The following CYP3A43 variants were observed in gnomAD, a reference collection of about 807,000 sequenced individuals.
CYP3A43 encodes the protein cytochrome P450 3A43.
Under a neutral mutation model 58.0 loss-of-function variants are expected in CYP3A43, and 45 were observed. The ratio of observed to expected loss-of-function variants is 0.78; its 90% confidence interval spans 0.61 to 0.99. The LOEUF (loss-of-function observed/expected upper bound fraction) is 0.99. Among genes scored for constraint, CYP3A43 ranks in the 50% least tolerant of loss-of-function variants. CYP3A43 has a pLI of 0.00. For missense variants in CYP3A43, 593 were observed against 591.9 expected (o/e 1.00, Z -0.02); for synonymous variants, 191 against 201.4 (o/e 0.95, Z 0.44).
intron 1 of CYP3A43, among the ~76,000 whole-genome samples, chr7:99,835,804 C>T (rs796261114): frequency 1.3e-5 from 2 of 152,162 alleles, no homozygotes; most frequent in Non-Finnish European, 2.9e-5. Flanking sequence ...ACAACATTAG[C>T]GTATGTAATA....
chr7:99,855,145 G>A (rs1488238243), intron 7 of CYP3A43, among the ~76,000 whole-genome samples: 4 of 152,072 alleles, frequency 2.6e-5, no homozygotes, highest in African/African-American at 9.7e-5. Flanking sequence ...CTCCCTAAGT[G>A]CAATTCTCTT....
rs949015047 is a variant in CYP3A43, at chr7:99,856,894, A to G, written c.860A>G (p.His287Arg). 3.7e-6 allele frequency: 6 copies of G among 1,613,938 alleles called. No individual in the cohort carries two copies. The highest frequency in any genetic ancestry group is 1.1e-5 in the South Asian group (1 of 90,998). ...DSQNSKETKS[H>R]KALSDLELVA... is the part of the protein sequence containing the mutation. ...CAGAATTCCAAAGAAACAAAGTCCC[A>G]TAAAGGTAACCAAGAACTGCATCTG... Residue 287 changes from histidine to arginine, a missense_variant, in exon 9 of 13, where the codon CAT (histidine) becomes CGT (arginine). By Grantham distance (29) the His-to-Arg change is conservative (BLOSUM62 0). Coordinates refer to ENST00000354829, the MANE Select transcript of CYP3A43 (RefSeq NM_057095.3).
chr7:99,855,262 A>G (rs1441205191), intron 7 of CYP3A43, among the ~76,000 whole-genome samples: 2 of 152,202 alleles, frequency 1.3e-5, no homozygotes, highest in Non-Finnish European at 2.9e-5. Flanking sequence ...TTAAAGCAGC[A>G]GGCTATCCAA....
chr7:99,851,510 C>T (rs769318916), intron 7 of CYP3A43, among the ~76,000 whole-genome samples: 6 of 152,194 alleles, frequency 3.9e-5, no homozygotes, highest in Non-Finnish European at 8.8e-5. Context: ...GAACTGGTCT[C>T]ATCGTGATTT....
intron 2 of CYP3A43, chr7:99,838,779 A>G: frequency 1.3e-6 from 1 of 749,104 alleles, no homozygotes; most frequent in Non-Finnish European, 1.9e-6. Flanking sequence ...CAGGAGTTCG[A>G]GACCAGCTTT....
At chr7:99,861,992 A>G (rs887664084) in intron 11 of CYP3A43, among the ~76,000 whole-genome samples, 153 bp downstream of exon 11, 1 of 152,240 alleles carries the variant, frequency 6.6e-6, no homozygotes, top group Non-Finnish European at 1.5e-5. Context: ...TTTACAAACC[A>G]TAGATTAAGA....
intron 1 of CYP3A43, among the ~76,000 whole-genome samples, chr7:99,829,368 T>C (rs1441453034): frequency 6.6e-6 from 1 of 152,226 alleles, no homozygotes. Flanking sequence ...TAAGAACATG[T>C]ACCCAAGGTG....
chr7:99,844,539 A>C (rs1383634432), intron 4 of CYP3A43, among the ~76,000 whole-genome samples: 1 of 152,204 alleles, frequency 6.6e-6, no homozygotes, highest in East Asian at 1.9e-4. Flanking sequence ...GTATAATTGC[A>C]TGACTATCAG....
intron 10 of CYP3A43, 73 bp from the exon 11 acceptor site, chr7:99,861,540 A>G (rs537111914): frequency 7.6e-5 from 100 of 1,309,120 alleles, no homozygotes; most frequent in Middle Eastern, 7.3e-4. Context: ...TAACACTTCA[A>G]TAGTACTGCA....
intron 3 of CYP3A43, among the ~76,000 whole-genome samples, chr7:99,841,593 TC>T (rs539472906): frequency 4.3e-4 from 66 of 152,124 alleles, no homozygotes; most frequent in Non-Finnish European, 7.1e-4. Flanking sequence ...AGACAGGGTT[TC>T]CCCATGTTTG....
Position 99,844,213 on chromosome 7 carries a change from G to GA in CYP3A43, c.291dup (p.Cys98MetfsTer25). On this transcript the variant is annotated frameshift_variant, in exon 4 of 13. Coordinates refer to ENST00000354829, the MANE Select transcript of CYP3A43 (RefSeq NM_057095.3). LOFTEE classifies it high-confidence loss of function. ...CATGATCAAAACAGTGTTAGTGAAA[G>GA]AATGTTACTCTGTCTTCACAAACCA... 6.2e-7 allele frequency: 1 copy of GA among 1,613,990 alleles called. No individual in the cohort carries two copies. Among genetic ancestry groups the GA allele is most frequent in the African/African-American group, 1.3e-5 (1 of 75,044 alleles).
At chr7:99,829,965 A>G (rs1331342928) in intron 1 of CYP3A43, among the ~76,000 whole-genome samples, 3 of 152,196 alleles carry the variant, frequency 2.0e-5, no homozygotes, top group African/African-American at 7.2e-5. Flanking sequence ...GAAGTTTATG[A>G]CAGGGGAAAG....
Position 99,859,959 on chromosome 7 carries a change from A to C in CYP3A43, c.995A>C (p.Gln332Pro). 6.2e-7 allele frequency: 1 copy of C among 1,611,752 alleles called. No homozygotes were observed. The highest frequency in any genetic ancestry group is 8.5e-7 in the Non-Finnish European group (1 of 1,179,014). ...CACCCTGATGTCCAGCAGAAACTGC[A>C]GGAGGAGATTGACGCAGTTTTACCC... ...ATHPDVQQKL[Q>P]EEIDAVLPNK... Residue 332 changes from glutamine to proline, a missense_variant, in exon 10 of 13, where the codon CAG (glutamine) becomes CCG (proline). By Grantham distance (76) the Gln-to-Pro change is moderately conservative. Coordinates refer to ENST00000354829, the MANE Select transcript of CYP3A43 (RefSeq NM_057095.3).
intron 3 of CYP3A43, among the ~76,000 whole-genome samples, chr7:99,839,713 G>C (rs559309555): frequency 6.6e-6 from 1 of 152,192 alleles, no homozygotes; most frequent in African/African-American, 2.4e-5. Flanking sequence ...GAGAGAGGGG[G>C]CCCCCAGTGG....
intron 1 of CYP3A43, among the ~76,000 whole-genome samples, chr7:99,834,694 T>C (rs1317475227): frequency 6.6e-6 from 1 of 152,198 alleles, no homozygotes; most frequent in Non-Finnish European, 1.5e-5. Flanking sequence ...TAGAGTTTTG[T>C]TTTTAGTCTC....
At chr7:99,830,606 G>A (rs976117316) in intron 1 of CYP3A43, among the ~76,000 whole-genome samples, 1 of 152,146 alleles carries the variant, frequency 6.6e-6, no homozygotes, top group African/African-American at 2.4e-5. Flanking sequence ...ACTGATGCCT[G>A]ACAGACATTA....
At chr7:99,862,752 C>A (rs1038970112) in intron 11 of CYP3A43, among the ~76,000 whole-genome samples, 4 of 152,180 alleles carry the variant, frequency 2.6e-5, no homozygotes, top group African/African-American at 9.7e-5. Flanking sequence ...TGGCAGGGAC[C>A]TTGTCTTGTT....
chr7:99,829,205 A>G (rs1816743336), intron 1 of CYP3A43, among the ~76,000 whole-genome samples: 1 of 152,232 alleles, frequency 6.6e-6, no homozygotes, highest in Non-Finnish European at 1.5e-5. Flanking sequence ...CTGCCTCAAC[A>G]GAGCCCATTC....
In CYP3A43 at chr7:99,861,766, G is replaced by C. The variant is rs764622547; in HGVS notation, c.1180G>C (p.Val394Leu). 2.0e-4 allele frequency: 320 copies of C among 1,614,038 alleles called. No homozygotes were observed. Among genetic ancestry groups the C allele is most frequent in the Non-Finnish European group, 2.5e-4 (293 of 1,180,012 alleles). The change falls in exon 11 of 13, where the codon GTG (valine) becomes CTG (leucine). Residue 394 changes from valine (V) to leucine (L), a missense_variant. By Grantham distance (32) the Val-to-Leu change is conservative. Coordinates refer to ENST00000354829, the MANE Select transcript of CYP3A43 (RefSeq NM_057095.3). ...AGTGTTCATTCCCAAAGGGTTAGCA[G>C]TGATGGTTCCAATCTATGCTCTTCA... Reference protein sequence around the residue: ...NGVFIPKGLAVMVPIYALHHD... With the variant: ...NGVFIPKGLALMVPIYALHHD...
Sources: allele counts gnomAD v4.1 joint callset (sites outside exome capture counted in the v4.1 genomes callset), GRCh38; gene constraint gnomAD v4.1.1; transcripts MANE v1.5; gene names NCBI Gene and HGNC (gene_info 2026-07-23, HGNC 2026-07-21).